Variants in CENPK observed in about 807,000 individuals in gnomAD.
CENPK encodes centromere protein K.
Under a neutral mutation model 40.9 loss-of-function variants are expected in CENPK, and 46 were observed. The observed-to-expected ratio is 1.13, with a 90% confidence interval of 0.89 to 1.44. The LOEUF is 1.44. Ranked by LOEUF, CENPK falls within the 40% of genes most tolerant of loss-of-function variation. The probability of loss-of-function intolerance (pLI) is 0.00; values close to 1 mark genes in which losing one functional copy is unlikely to be tolerated. For missense variants in CENPK, 288 were observed against 303.5 expected, an observed-to-expected ratio of 0.95 and a Z score of 0.38; for synonymous variants, 107 against 104.4, an observed-to-expected ratio of 1.02 and a Z score of -0.15.
At chr5:65,502,902 T>G in the CENPK span, among the ~76,000 whole-genome samples, 1 of 152,030 alleles carries the variant, frequency 6.6e-6, no homozygotes. Context: ...ACCTCCCAGG[T>G]TCAAGTGATT....
Position 65,528,484 on chromosome 5 carries a change from GA to G in CENPK, c.564del (p.Pro189LeufsTer19). On this transcript the variant is annotated frameshift_variant, in exon 9 of 11. Coordinates refer to ENST00000396679, the MANE Select transcript of CENPK (RefSeq NM_022145.5). LOFTEE classifies it high-confidence loss of function. ...STLGEFLEDHFPLPDRSVKKK... is the reference protein window; with the variant it reads ...STLGEFLEDHXPLPDRSVKKK... ...TTTTTAACACTTCTATCAGGCAGAG[GA>G]AAATGGTCTTCTAGAAACTCGCCCA... The G allele has an allele frequency of 1.2e-6, 2 of 1,605,340 alleles. No individual in the cohort carries two copies. Among genetic ancestry groups the G allele is most frequent in the Non-Finnish European group, 1.7e-6 (2 of 1,177,466 alleles).
intron 6 of CENPK, among the ~76,000 whole-genome samples, chr5:65,537,957 T>TA (rs1377880751): frequency 1.3e-5 from 2 of 152,218 alleles, no homozygotes; most frequent in Non-Finnish European, 2.9e-5. Context: ...TGCTGCGACA[T>TA]AGAGTTACTC....
chr5:65,532,681 G>A (rs1004578158), intron 6 of CENPK, among the ~76,000 whole-genome samples: 4 of 151,578 alleles, frequency 2.6e-5, no homozygotes, highest in African/African-American at 7.3e-5. Context: ...AGGCTGAGGC[G>A]GGCAGATCAC....
chr5:65,518,162 A>G lies in CENPK; in HGVS notation c.*313T>C. 5.9e-6 allele frequency: 1 copy of G among 169,096 alleles called. No individual in the cohort carries two copies. Among genetic ancestry groups the G allele is most frequent in the Admixed American group, 6.3e-5 (1 of 15,784 alleles). 10.5% of individuals were successfully genotyped at this position (169,096 alleles called of 1,614,324 possible). Reference sequence around the variant, plus strand: ...TTGTTATATATTTTAAGAAAATATTATATTAGCAATATCATAAATCAACAA... The same window carrying G: ...TTGTTATATATTTTAAGAAAATATTGTATTAGCAATATCATAAATCAACAA... On this transcript the variant is annotated 3_prime_UTR_variant, in exon 11 of 11. Transcript: ENST00000396679.
chr5:65,540,027 A>C (rs1192158608), intron 6 of CENPK, among the ~76,000 whole-genome samples: 4 of 152,220 alleles, frequency 2.6e-5, no homozygotes, highest in African/African-American at 9.6e-5. Context: ...CTTGAACAAC[A>C]GCACCTGGCT....
chr5:65,536,655 G>GT (rs1746956801), intron 6 of CENPK, among the ~76,000 whole-genome samples: 1 of 151,526 alleles, frequency 6.6e-6, no homozygotes, highest in Non-Finnish European at 1.5e-5. Context: ...TAGGGATTGG[G>GT]GGGGAGAATA....
intron 6 of CENPK, chr5:65,529,821 T>C (rs1258626381): frequency 6.7e-6 from 1 of 149,652 alleles, no homozygotes; most frequent in Non-Finnish European, 1.5e-5. Flanking sequence ...TTTTTATTTT[T>C]TGAGACAGAG....
At chr5:65,546,439 T>C (rs182723922) in intron 5 of CENPK, among the ~76,000 whole-genome samples, 18 of 152,282 alleles carry the variant, frequency 1.2e-4, no homozygotes, top group African/African-American at 3.4e-4. Flanking sequence ...GAATCTGAGG[T>C]GTCTATGAAA....
chr5:65,496,966 G>T, the CENPK span, among the ~76,000 whole-genome samples: 1 of 151,940 alleles, frequency 6.6e-6, no homozygotes, highest in Non-Finnish European at 1.5e-5. Context: ...CTGAGGCAGA[G>T]AATTGATTGA....
At chr5:65,532,532 A>T (rs944455456) in intron 6 of CENPK, among the ~76,000 whole-genome samples, 1 of 152,200 alleles carries the variant, frequency 6.6e-6, no homozygotes, top group Admixed American at 6.5e-5. Context: ...TCAGCAATAA[A>T]TAAGAAAGAT....
chr5:65,506,898 A>C, the CENPK span, among the ~76,000 whole-genome samples: 1 of 152,204 alleles, frequency 6.6e-6, no homozygotes, highest in Non-Finnish European at 1.5e-5. Context: ...AGACTAAATA[A>C]ATGTTCCACT....
chr5:65,513,311 C>G (rs566319257), downstream of CENPK, among the ~76,000 whole-genome samples: 1 of 152,268 alleles, frequency 6.6e-6, no homozygotes, highest in South Asian at 2.1e-4. Flanking sequence ...CCCTCATTAA[C>G]TATAAAATTT....
At chr5:65,551,796 T>C (rs1443488538) in intron 4 of CENPK, among the ~76,000 whole-genome samples, 160 bp from the exon 5 acceptor site, 1 of 152,136 alleles carries the variant, frequency 6.6e-6, no homozygotes, top group African/African-American at 2.4e-5. Flanking sequence ...TTAATCTGTT[T>C]CACTGATCCA....
downstream of CENPK, among the ~76,000 whole-genome samples, chr5:65,513,769 G>A (rs1380599219): frequency 2.6e-5 from 4 of 152,156 alleles, no homozygotes; most frequent in African/African-American, 9.7e-5. Context: ...GGAATGATGC[G>A]ATCTACTTGC....
At chr5:65,516,423 AT>A (rs1378546432), downstream of CENPK, among the ~76,000 whole-genome samples, 1 of 152,214 alleles carries the variant, frequency 6.6e-6, no homozygotes, top group Non-Finnish European at 1.5e-5. Context: ...TCTTACCAGG[AT>A]TAAACAGATA....
At chr5:65,499,709 G>A in the CENPK span, among the ~76,000 whole-genome samples, 1 of 112,072 alleles carries the variant, frequency 8.9e-6, no homozygotes, top group Admixed American at 1.0e-4. Flanking sequence ...GGGTACATGT[G>A]CACATTGTGC....
intron 5 of CENPK, among the ~76,000 whole-genome samples, chr5:65,545,179 T>G (rs1377492308): frequency 6.6e-6 from 1 of 151,974 alleles, no homozygotes; most frequent in Non-Finnish European, 1.5e-5. Context: ...AGCTAAAAAG[T>G]TCTCAAATTC....
chr5:65,522,721 T>C (rs786529), intron 9 of CENPK, among the ~76,000 whole-genome samples: 103,633 of 152,118 alleles, frequency 0.68, 35,867 homozygotes, highest in East Asian at 0.89. Flanking sequence ...TGAGCCACCA[T>C]ACCCCACCTC....
At chr5:65,530,372 T>C (rs556664939) in intron 6 of CENPK, among the ~76,000 whole-genome samples, 22 of 152,234 alleles carry the variant, frequency 1.4e-4, no homozygotes, top group African/African-American at 4.8e-4. Flanking sequence ...TAGTATGATA[T>C]GGAAAGACTT....
Sources: allele counts gnomAD v4.1 joint callset (sites outside exome capture counted in the v4.1 genomes callset), GRCh38; gene constraint gnomAD v4.1.1; transcripts MANE v1.5; gene names NCBI Gene and HGNC (gene_info 2026-07-23, HGNC 2026-07-21).